Variants in PRLR observed in about 807,000 individuals in gnomAD.
The protein encoded by PRLR is hPRL receptor.
Under a neutral mutation model 40.2 loss-of-function variants are expected in PRLR, and 13 were observed. That is an observed-to-expected ratio of 0.32 (90% CI 0.21 to 0.51). The LOEUF (loss-of-function observed/expected upper bound fraction) is 0.51. PRLR is among the 20% of genes least tolerant of loss of function. The probability of loss-of-function intolerance (pLI) is 0.97; values close to 1 mark genes in which losing one functional copy is unlikely to be tolerated. For synonymous variants in PRLR, 269 were observed against 278.7 expected (o/e 0.97, Z 0.35); for missense variants, 656 against 747.3 (o/e 0.88, Z 1.42).
chr5:35,220,887 T>C (rs1776398207), intron 1 of PRLR, among the ~76,000 whole-genome samples: 1 of 152,210 alleles, frequency 6.6e-6, no homozygotes, highest in South Asian at 2.1e-4. Context: ...TTCTTTTTGT[T>C]ATTAATACAA....
At chr5:35,159,737 C>T (rs1774620552) in intron 1 of PRLR, among the ~76,000 whole-genome samples, 1 of 152,164 alleles carries the variant, frequency 6.6e-6, no homozygotes, top group African/African-American at 2.4e-5. Flanking sequence ...GTATTTTCCA[C>T]TAAAGCTATG....
intron 1 of PRLR, among the ~76,000 whole-genome samples, chr5:35,146,631 A>G (rs796921368): frequency 4.8e-4 from 73 of 152,296 alleles, no homozygotes; most frequent in African/African-American, 1.7e-3. Flanking sequence ...CAGACTGTCA[A>G]TGGTTTAGAA....
At position 35,065,619 on chromosome 5, in the gene PRLR, G is replaced by C; in HGVS notation, c.1339C>G (p.Pro447Ala). The change falls in exon 10 of 10, where the codon CCG (proline) becomes GCG (alanine). Residue 447 changes from proline (P) to alanine (A), a missense_variant. Physicochemically the swap from Pro to Ala is conservative, Grantham distance 27. This residue lies in a region of PRLR where 469 missense variants were observed against 491.5 expected (regional missense o/e 0.95). Transcript: ENST00000618457. Reference sequence around the variant, plus strand: ...CCTGCTTCATTCAACAGAGTGGCCGGTGCACCTGCAGGGCCCACAGCCAGC... The same window carrying C: ...CCTGCTTCATTCAACAGAGTGGCCGCTGCACCTGCAGGGCCCACAGCCAGC... ...CELAVGPAGA[P>A]ATLLNEAGKD... The C allele has an allele frequency of 6.2e-7, 1 of 1,614,010 alleles. No homozygotes were observed. The highest frequency in any genetic ancestry group is 8.5e-7 in the Non-Finnish European group (1 of 1,179,962).
At chr5:35,089,130 T>C (rs1473260437) in intron 3 of PRLR, among the ~76,000 whole-genome samples, 2 of 152,252 alleles carry the variant, frequency 1.3e-5, no homozygotes, top group African/African-American at 2.4e-5. Context: ...CAACCTCTTA[T>C]ATCCCATTAT....
intron 2 of PRLR, among the ~76,000 whole-genome samples, chr5:35,110,435 C>G (rs1220867294): frequency 6.6e-6 from 1 of 152,120 alleles, no homozygotes; most frequent in Admixed American, 6.6e-5. Flanking sequence ...TCATAGCAGA[C>G]ACTTGGCAAA....
chr5:35,081,790 C>A (rs1770537629), intron 5 of PRLR: 2 of 150,772 alleles, frequency 1.3e-5, no homozygotes, highest in Middle Eastern at 3.4e-3. Flanking sequence ...CACACACACA[C>A]ACACACACAC....
intron 1 of PRLR, among the ~76,000 whole-genome samples, chr5:35,200,684 G>T (rs1775858354): frequency 6.6e-6 from 1 of 152,130 alleles, no homozygotes; most frequent in Non-Finnish European, 1.5e-5. Flanking sequence ...TGTAGTTTCA[G>T]TCCTAACACT....
At chr5:35,049,132 A>G in exon 9 of PRLR, 1 of 696,566 alleles carries the variant, frequency 1.4e-6, no homozygotes. Flanking sequence ...GTAGGGAGTG[A>G]TCATATGAGC....
intron 1 of PRLR, among the ~76,000 whole-genome samples, chr5:35,177,210 G>C (rs1775173860): frequency 6.6e-6 from 1 of 152,062 alleles, no homozygotes; most frequent in Non-Finnish European, 1.5e-5. Context: ...AGGCTGGCGG[G>C]ATCCTCCATA....
intron 1 of PRLR, among the ~76,000 whole-genome samples, chr5:35,158,952 T>C (rs1239091394): frequency 6.6e-6 from 1 of 152,236 alleles, no homozygotes; most frequent in Non-Finnish European, 1.5e-5. Context: ...GTTCAGACTT[T>C]TGAGCTAATT....
chr5:35,139,652 A>G (rs1435457927), intron 1 of PRLR, among the ~76,000 whole-genome samples: 2 of 152,230 alleles, frequency 1.3e-5, no homozygotes, highest in Non-Finnish European at 2.9e-5. Flanking sequence ...AGATAAAGTA[A>G]TGAAACAAAA....
chr5:35,108,069 C>T (rs967823804), intron 2 of PRLR, among the ~76,000 whole-genome samples: 4 of 152,186 alleles, frequency 2.6e-5, no homozygotes, highest in African/African-American at 9.7e-5. Flanking sequence ...GCTGGTCCAA[C>T]ATACACAAAT....
intron 9 of PRLR, among the ~76,000 whole-genome samples, chr5:35,068,014 C>T (rs1194351135): frequency 6.6e-6 from 1 of 152,194 alleles, no homozygotes; most frequent in East Asian, 1.9e-4. Context: ...TCTCTCCTTG[C>T]CCTCTGACAT....
At chr5:35,122,141 C>A (rs995599236) in intron 1 of PRLR, among the ~76,000 whole-genome samples, 10 of 152,198 alleles carry the variant, frequency 6.6e-5, no homozygotes, top group African/African-American at 2.2e-4. Flanking sequence ...ATGAATTTAG[C>A]AAGACATGGA....
intron 1 of PRLR, among the ~76,000 whole-genome samples, chr5:35,181,390 T>C (rs1775291970): frequency 1.3e-5 from 2 of 152,196 alleles, no homozygotes; most frequent in African/African-American, 2.4e-5. Flanking sequence ...TTGGAACCCT[T>C]AATTTCAATA....
chr5:35,227,621 C>T (rs1161139551), intron 1 of PRLR, among the ~76,000 whole-genome samples: 1 of 152,208 alleles, frequency 6.6e-6, no homozygotes, highest in Non-Finnish European at 1.5e-5. Context: ...TCTTTGGCTA[C>T]TCTGTGGATA....
chr5:35,125,258 T>C (rs1773421224), intron 1 of PRLR, among the ~76,000 whole-genome samples: 1 of 152,182 alleles, frequency 6.6e-6, no homozygotes, highest in East Asian at 1.9e-4. Context: ...TGGCCAACGA[T>C]CATCTTGATT....
chr5:35,077,824 T>C (rs994665960), intron 5 of PRLR, among the ~76,000 whole-genome samples: 3 of 152,060 alleles, frequency 2.0e-5, no homozygotes, highest in African/African-American at 4.8e-5. Context: ...CCTCAGCAAA[T>C]GTAAAAGGAC....
chr5:35,124,732 G>C (rs1328559337), intron 1 of PRLR, among the ~76,000 whole-genome samples: 1 of 151,700 alleles, frequency 6.6e-6, no homozygotes, highest in East Asian at 2.0e-4. Context: ...AGACTTCTCT[G>C]GGAGCCAGAA....
Sources: allele counts gnomAD v4.1 joint callset (sites outside exome capture counted in the v4.1 genomes callset), GRCh38; gene constraint gnomAD v4.1.1; regional missense constraint gnomAD v4.1.1; transcripts MANE v1.5; gene names NCBI Gene and HGNC (gene_info 2026-07-23, HGNC 2026-07-21).